The following MKLN1 variants were observed in gnomAD, a reference collection of about 807,000 sequenced individuals.
MKLN1 encodes muskelin 1, also known as muskelin.
MKLN1 carries 18 observed loss-of-function variants against 99.0 expected under a neutral mutation model. The ratio of observed to expected loss-of-function variants is 0.18; its 90% confidence interval spans 0.13 to 0.27. The LOEUF is 0.27. MKLN1 is among the 10% of genes least tolerant of loss of function. The pLI is 1.00. For synonymous variants in MKLN1, 288 were observed against 293.2 expected (o/e 0.98, Z 0.18); for missense variants, 621 against 875.9 (o/e 0.71, Z 3.67).
intron 3 of MKLN1, among the ~76,000 whole-genome samples, chr7:131,249,214 A>G (rs925121425): frequency 2.0e-5 from 3 of 152,202 alleles, no homozygotes; most frequent in African/African-American, 7.2e-5. Flanking sequence ...ACATGGGTTC[A>G]GCCATGAGGT....
At chr7:131,434,810 G>A (rs1461519708) in intron 9 of MKLN1, among the ~76,000 whole-genome samples, 1 of 152,022 alleles carries the variant, frequency 6.6e-6, no homozygotes, top group Non-Finnish European at 1.5e-5. Flanking sequence ...CTCCCACCTT[G>A]GCCTCCCAAA....
intron 2 of MKLN1, among the ~76,000 whole-genome samples, chr7:131,161,002 G>C (rs1287208299): frequency 6.6e-6 from 1 of 152,048 alleles, no homozygotes; most frequent in African/African-American, 2.4e-5. Context: ...TACCCTGAAG[G>C]TCATTGACAC....
intron 2 of MKLN1, among the ~76,000 whole-genome samples, chr7:131,145,077 C>T (rs11977045): frequency 0.18 from 27,925 of 152,012 alleles, 3,463 homozygotes; most frequent in East Asian, 0.51. Context: ...GCTTTTTCCC[C>T]GAACACTTAT....
At chr7:131,144,314 TA>T (rs879335494) in intron 2 of MKLN1, among the ~76,000 whole-genome samples, 1 of 148,892 alleles carries the variant, frequency 6.7e-6, no homozygotes, top group African/African-American at 2.5e-5. Context: ...CCGTCTCTAC[TA>T]AAAAAAAATA....
At chr7:131,173,444 C>T (rs1056620128) in intron 2 of MKLN1, among the ~76,000 whole-genome samples, 3 of 152,154 alleles carry the variant, frequency 2.0e-5, no homozygotes, top group Admixed American at 6.5e-5. Context: ...CTTGGCCGGG[C>T]GTGGTGGCTC....
intron 10 of MKLN1, among the ~76,000 whole-genome samples, chr7:131,438,799 A>G (rs1370896590): frequency 6.6e-6 from 1 of 152,062 alleles, no homozygotes; most frequent in African/African-American, 2.4e-5. Context: ...ATTATCTAGT[A>G]TTTGGGAAAT....
rs1322123873 is a variant in MKLN1, at chr7:131,327,952, A to T, written c.53A>T (p.Tyr18Phe). The T allele has an allele frequency of 1.2e-6, 2 of 1,613,418 alleles. No individual in the cohort carries two copies. Among genetic ancestry groups the T allele is most frequent in the African/African-American group, 2.7e-5 (2 of 74,794 alleles). ...AAAPECRLLPYALHKWSSFSS... is the reference protein window; with the variant it reads ...AAAPECRLLPFALHKWSSFSS... ...GCGCCCGAGTGCCGGCTTCTCCCCT[A>T]CGCGCTACACAAGTGGAGCTCCTTT... The change falls in exon 1 of 18, where the codon TAC (tyrosine) becomes TTC (phenylalanine). Residue 18 changes from tyrosine to phenylalanine, a missense_variant. Transcript: ENST00000352689.
At chr7:131,344,272 A>G (rs1399512949) in intron 1 of MKLN1, among the ~76,000 whole-genome samples, 1 of 152,190 alleles carries the variant, frequency 6.6e-6, no homozygotes, top group Non-Finnish European at 1.5e-5. Context: ...AACTAAGAAA[A>G]AATAGAGAAT....
chr7:131,440,607 T>C (rs931081513), intron 10 of MKLN1, among the ~76,000 whole-genome samples: 3 of 152,068 alleles, frequency 2.0e-5, no homozygotes, highest in Non-Finnish European at 2.9e-5. Context: ...TGAAGACTTA[T>C]CTACAAAGAG....
chr7:131,334,784 A>G (rs964553668), intron 1 of MKLN1, among the ~76,000 whole-genome samples: 8 of 152,222 alleles, frequency 5.3e-5, no homozygotes, highest in Non-Finnish European at 7.3e-5. Flanking sequence ...TTTTGGAAAT[A>G]TGAAAGATTT....
At chr7:131,419,827 CTG>C (rs1795138269) in intron 8 of MKLN1, among the ~76,000 whole-genome samples, 1 of 152,080 alleles carries the variant, frequency 6.6e-6, no homozygotes, top group African/African-American at 2.4e-5. Flanking sequence ...GGGGCACAAA[CTG>C]TGTTGAGTTT....
chr7:131,399,138 A>G (rs1794451356), intron 5 of MKLN1, 103 bp from the exon 6 acceptor site: 11 of 983,658 alleles, frequency 1.1e-5, no homozygotes, highest in Non-Finnish European at 1.7e-5. Flanking sequence ...CATAGTGTTA[A>G]TAAATGCTCA....
At chr7:131,129,343 C>T (rs1204014958) in intron 1 of MKLN1, among the ~76,000 whole-genome samples, 1 of 152,148 alleles carries the variant, frequency 6.6e-6, no homozygotes, top group Non-Finnish European at 1.5e-5. Flanking sequence ...ACTTATTTAA[C>T]ACAGCAATTT....
At chr7:131,367,418 G>A (rs138042204) in intron 1 of MKLN1, among the ~76,000 whole-genome samples, 120 of 152,168 alleles carry the variant, frequency 7.9e-4, no homozygotes, top group African/African-American at 2.5e-3. Context: ...AGTTGATACC[G>A]AATTGTGTCT....
At chr7:131,227,857 C>T (rs556278771) in intron 3 of MKLN1, among the ~76,000 whole-genome samples, 7 of 152,182 alleles carry the variant, frequency 4.6e-5, no homozygotes, top group South Asian at 4.1e-4. Flanking sequence ...TGAGCCACCG[C>T]GCCCGGCCTT....
At chr7:131,175,185 CAGAT>C (rs72403035) in intron 2 of MKLN1, among the ~76,000 whole-genome samples, 69,926 of 140,636 alleles carry the variant, frequency 0.5, 16,993 homozygotes, top group East Asian at 0.83. Flanking sequence ...GATAGATAGA[CAGAT>C]AGATAGATAG....
chr7:131,161,945 ATATACGTGTGT>A (rs201946082), intron 2 of MKLN1, among the ~76,000 whole-genome samples: 12 of 122,444 alleles, frequency 9.8e-5, no homozygotes, highest in African/African-American at 3.6e-4. Context: ...ATACACATAT[ATATACGTGTGT>A]GTGTGTGTAT....
rs72068521 is a variant in MKLN1 at position 131,247,235 on chromosome 7, C to CTTTTTTTT, written c.-179+44268_-179+44275dup. 1.1e-3 allele frequency among the ~76,000 whole-genome samples: 157 copies of CTTTTTTTT among 141,156 alleles called. 4 individuals carry two copies. The highest frequency in any genetic ancestry group is 3.3e-3 in the African/African-American group (126 of 37,802). 92.6% of individuals were successfully genotyped at this position (141,156 alleles called of 152,430 possible). ...TTACCTTTTCTTCTTTTTCTTTTTT[C>CTTTTTTTT]TTTTTTTTTTTTTTGTCACCATGGC... On this transcript the variant is annotated intron_variant, in intron 3 of 7. Coordinates refer to the MKLN1 transcript ENST00000416992.
intron 2 of MKLN1, among the ~76,000 whole-genome samples, chr7:131,173,089 A>G (rs893304900): frequency 6.6e-6 from 1 of 152,116 alleles, no homozygotes; most frequent in Non-Finnish European, 1.5e-5. Context: ...TTAAACTTGC[A>G]TTTATAACAC....
Sources: allele counts gnomAD v4.1 joint callset (sites outside exome capture counted in the v4.1 genomes callset), GRCh38; gene constraint gnomAD v4.1.1; transcripts MANE v1.5; gene names NCBI Gene and HGNC (gene_info 2026-07-23, HGNC 2026-07-21).